Variants in SPECC1 observed in about 807,000 individuals in gnomAD.
SPECC1 encodes the protein cytospin-B.
In SPECC1, 62 loss-of-function variants were observed where a neutral mutation model predicts 104.1. That is an observed-to-expected ratio of 0.60 (90% confidence interval 0.49 to 0.74). SPECC1 has a LOEUF of 0.74. SPECC1 is among the 30% of genes least tolerant of loss of function. The pLI is 0.00. For synonymous variants in SPECC1, 513 were observed against 501.6 expected (o/e 1.02, Z -0.30); for missense variants, 1,306 against 1,310.5 (o/e 1.00, Z 0.05).
chr17:20,164,879 T>C (rs907895887), intron 3 of SPECC1, among the ~76,000 whole-genome samples: 3 of 152,202 alleles, frequency 2.0e-5, no homozygotes, highest in Non-Finnish European at 4.4e-5. Flanking sequence ...ATCACCTGAT[T>C]AGAGTTTACA....
intron 1 of SPECC1, among the ~76,000 whole-genome samples, chr17:20,037,275 G>A (rs1567806047): frequency 6.7e-6 from 1 of 149,122 alleles, no homozygotes; most frequent in Non-Finnish European, 1.5e-5. Context: ...GTTTATTTTT[G>A]TTTTTTTTTC....
intron 1 of SPECC1, among the ~76,000 whole-genome samples, chr17:20,058,360 T>G (rs1235802889): frequency 6.6e-6 from 1 of 152,168 alleles, no homozygotes; most frequent in African/African-American, 2.4e-5. Context: ...CTGGGTACAG[T>G]GGCTCATGCT....
At chr17:20,180,321 A>G (rs968604254) in intron 3 of SPECC1, among the ~76,000 whole-genome samples, 1 of 152,258 alleles carries the variant, frequency 6.6e-6, no homozygotes, top group African/African-American at 2.4e-5. Flanking sequence ...AAACTCACCT[A>G]TTAAAAAACA....
At chr17:20,156,215 C>G in intron 3 of SPECC1, 1 of 1,421,782 alleles carries the variant, frequency 7.0e-7, no homozygotes, top group Admixed American at 3.2e-5. Flanking sequence ...CCACTCAGGA[C>G]GGCCCGAGGA....
intron 3 of SPECC1, among the ~76,000 whole-genome samples, chr17:20,160,567 A>G (rs1318761745): frequency 2.6e-5 from 4 of 152,210 alleles, no homozygotes; most frequent in Non-Finnish European, 5.9e-5. Flanking sequence ...TATTACAAAA[A>G]TTTTAATCAG....
chr17:20,205,945 T>C, intron 4 of SPECC1, 33 bp downstream of exon 4: 1 of 1,567,458 alleles, frequency 6.4e-7, no homozygotes, highest in Non-Finnish European at 8.6e-7. Context: ...TGGTATTTGC[T>C]CATCCTTGTT....
At chr17:20,289,961 TG>T (rs2041106629) in intron 12 of SPECC1, among the ~76,000 whole-genome samples, 1 of 152,174 alleles carries the variant, frequency 6.6e-6, no homozygotes, top group Non-Finnish European at 1.5e-5. Context: ...ATCATGGGCT[TG>T]GGCTTGTCTA....
chr17:20,314,301 A>T lies in SPECC1; in HGVS notation c.*236A>T. 2 of 552,266 alleles carry T rather than the reference A, an allele frequency of 3.6e-6. No homozygotes were observed. Among genetic ancestry groups the T allele is most frequent in the South Asian group, 4.2e-5 (2 of 47,632 alleles). 34.2% of individuals were successfully genotyped at this position (552,266 alleles called of 1,614,324 possible). On this transcript the variant is annotated 3_prime_UTR_variant, in exon 15 of 15. Transcript: ENST00000395527. ...TGGGGACTCTTTGATCTCTTGTGGG[A>T]TGCTTCTAAAGAGGGCAGCCTCCCT...
intron 3 of SPECC1, among the ~76,000 whole-genome samples, chr17:20,165,607 G>A (rs374209523): frequency 2.0e-5 from 3 of 152,142 alleles, no homozygotes; most frequent in African/African-American, 7.2e-5. Context: ...GGCATTTCTG[G>A]TTCTAGGTCT....
rs1333312236 is a variant in SPECC1 at position 20,054,452 on chromosome 17, C to G, written c.-21-42179C>G. Among the ~76,000 whole-genome samples the G allele has an allele frequency of 2.0e-5, 3 of 152,092 alleles. No individual in the cohort carries two copies. The East Asian group carries it at 5.8e-4, about 29-fold the overall frequency. On this transcript the variant is annotated intron_variant, in intron 1 of 14. Coordinates refer to ENST00000395527, the MANE Select transcript of SPECC1 (RefSeq NM_001243439.2). Reference sequence around the variant, plus strand: ...GAAGGCTTTCACCAACTGTTTGACGCTTTCTCTATTTTCTGAAAGTTAGGC... The same window carrying G: ...GAAGGCTTTCACCAACTGTTTGACGGTTTCTCTATTTTCTGAAAGTTAGGC...
chr17:20,252,975 A>G (rs889167775), intron 9 of SPECC1, among the ~76,000 whole-genome samples: 2 of 151,612 alleles, frequency 1.3e-5, no homozygotes, highest in Admixed American at 6.6e-5. Flanking sequence ...ACCATTGTAC[A>G]TTCCCACTAA....
intron 3 of SPECC1, among the ~76,000 whole-genome samples, chr17:20,149,491 T>G (rs1043810474): frequency 1.3e-5 from 2 of 152,216 alleles, no homozygotes; most frequent in Non-Finnish European, 2.9e-5. Context: ...AAGTCTCTAG[T>G]GAATTTCCCT....
chr17:20,317,743 A>G lies in SPECC1; in HGVS notation c.*3678A>G. 1 of 218,230 alleles carries G rather than the reference A, an allele frequency of 4.6e-6. No individual in the cohort carries two copies. The highest frequency in any genetic ancestry group is 9.2e-6 in the Non-Finnish European group (1 of 108,684). The allele number at this position is 218,230 out of a possible 1,614,324, so 13.5% of individuals were successfully genotyped here. A position where few individuals can be genotyped will look rare whatever the true frequency, so the allele number is the denominator to read the frequency against. On this transcript the variant is annotated 3_prime_UTR_variant, in exon 15 of 15. Transcript: ENST00000395527. ...CCTGTCACACACACACACAAAAAAAAGAAATACAGGTGGTGTTTTGGGGAA... is the reference window on the plus strand; with the variant it reads ...CCTGTCACACACACACACAAAAAAAGGAAATACAGGTGGTGTTTTGGGGAA...
chr17:20,260,625 A>G (rs2039992621), intron 12 of SPECC1, among the ~76,000 whole-genome samples: 1 of 152,194 alleles, frequency 6.6e-6, no homozygotes, highest in South Asian at 2.1e-4. Flanking sequence ...TGCGATAGAA[A>G]TTGTCATGAG....
At chr17:20,116,802 A>C (rs1372541367) in intron 3 of SPECC1, among the ~76,000 whole-genome samples, 7 of 62,182 alleles carry the variant, frequency 1.1e-4, no homozygotes, top group Non-Finnish European at 1.9e-4. Flanking sequence ...GTGTCTGGAG[A>C]CTTTTTTTTT....
chr17:20,079,947 C>G (rs535281876), intron 1 of SPECC1, among the ~76,000 whole-genome samples: 12 of 152,100 alleles, frequency 7.9e-5, no homozygotes, highest in Non-Finnish European at 1.3e-4. Flanking sequence ...TCCCTTTCTC[C>G]GCACCCCTAC....
chr17:20,313,945 G>A, intron 14 of SPECC1, 31 bp from the exon 15 acceptor site: 1 of 1,608,182 alleles, frequency 6.2e-7, no homozygotes, highest in South Asian at 1.1e-5. Flanking sequence ...GTCCTGCCTT[G>A]TGATCTGTCC....
chr17:20,150,820 GTCTT>G (rs1382754639), intron 3 of SPECC1, among the ~76,000 whole-genome samples: 1 of 152,008 alleles, frequency 6.6e-6, no homozygotes, highest in Non-Finnish European at 1.5e-5. Flanking sequence ...TAGAAAAAAA[GTCTT>G]TCCTAATTCT....
At chr17:20,074,949 C>T (rs191833646) in intron 1 of SPECC1, among the ~76,000 whole-genome samples, 4 of 152,130 alleles carry the variant, frequency 2.6e-5, no homozygotes, top group Non-Finnish European at 4.4e-5. Context: ...GTCACCCAGG[C>T]TGGAGTGCAG....
Sources: gnomAD v4.1 joint callset for allele counts (sites outside exome capture counted in the v4.1 genomes callset) on GRCh38, gnomAD v4.1.1 for gene constraint, MANE v1.5 for transcripts, NCBI Gene and HGNC (gene_info 2026-07-23, HGNC 2026-07-21) for gene names.